The following RFX3 variants were observed in gnomAD, a reference collection of about 807,000 sequenced individuals.
RFX3 encodes the protein regulatory factor X3.
A neutral mutation model predicts 98.6 loss-of-function variants in RFX3; 14 were observed. That is an observed-to-expected ratio of 0.14 (90% CI 0.09 to 0.22). The LOEUF (loss-of-function observed/expected upper bound fraction) is 0.22. RFX3 is among the 10% of genes least tolerant of loss of function. The pLI, the probability that RFX3 is intolerant of heterozygous loss-of-function variation, is 1.00. For synonymous variants in RFX3, 383 were observed against 328.4 expected (o/e 1.17, Z -1.80); for missense variants, 639 against 926.9 (o/e 0.69, Z 4.03).
intron 1 of RFX3, among the ~76,000 whole-genome samples, chr9:3,412,959 T>C (rs1394472682): frequency 6.6e-6 from 1 of 152,120 alleles, no homozygotes; most frequent in African/African-American, 2.4e-5. Flanking sequence ...GAAAATAAGA[T>C]TCTAATATGT....
chr9:3,503,108 AT>A (rs1339194390), intron 1 of RFX3, among the ~76,000 whole-genome samples: 1 of 152,092 alleles, frequency 6.6e-6, no homozygotes, highest in Non-Finnish European at 1.5e-5. Flanking sequence ...ATTTTGCTTA[AT>A]TTTTTACTTT....
At chr9:3,362,142 T>C (rs367749564) in intron 2 of RFX3, among the ~76,000 whole-genome samples, 1 of 152,192 alleles carries the variant, frequency 6.6e-6, no homozygotes, top group Non-Finnish European at 1.5e-5. Context: ...TCTCTCTCAC[T>C]GTGTTTATTG....
intron 4 of RFX3, among the ~76,000 whole-genome samples, chr9:3,328,172 C>T (rs559582153): frequency 6.6e-6 from 1 of 152,012 alleles, no homozygotes; most frequent in East Asian, 1.9e-4. Flanking sequence ...AATTTTGCCC[C>T]GTTTTTCAGT....
chr9:3,377,394 T>C (rs1214257216), intron 2 of RFX3, among the ~76,000 whole-genome samples: 1 of 151,894 alleles, frequency 6.6e-6, no homozygotes, highest in Non-Finnish European at 1.5e-5. Flanking sequence ...AATTGAACAA[T>C]GAGAACACTT....
intron 3 of RFX3, chr9:3,344,694 T>G (rs892862085): frequency 6.6e-6 from 4 of 602,320 alleles, no homozygotes; most frequent in African/African-American, 1.9e-5. Flanking sequence ...CATTACTACT[T>G]GTCACAGACA....
chr9:3,282,526 T>C (rs1471014344), intron 7 of RFX3, among the ~76,000 whole-genome samples: 1 of 151,782 alleles, frequency 6.6e-6, no homozygotes, highest in African/African-American at 2.4e-5. Context: ...CATTCATTCA[T>C]TTAACAAATA....
intron 15 of RFX3, among the ~76,000 whole-genome samples, chr9:3,245,881 T>C (rs1425252511): frequency 1.3e-5 from 2 of 152,164 alleles, no homozygotes; most frequent in African/African-American, 2.4e-5. Context: ...GATTTGGTGA[T>C]TGGAAAAGGA....
intron 2 of RFX3, among the ~76,000 whole-genome samples, chr9:3,367,136 T>C (rs1837303634): frequency 6.6e-6 from 1 of 152,180 alleles, no homozygotes; most frequent in African/African-American, 2.4e-5. Flanking sequence ...TCTTACGTTA[T>C]ATGGTACAGC....
intron 5 of RFX3, among the ~76,000 whole-genome samples, chr9:3,298,381 C>T (rs948912566): frequency 6.6e-6 from 1 of 151,702 alleles, no homozygotes. Flanking sequence ...TGAAAAGAAA[C>T]AATACAATAA....
At chr9:3,444,288 T>G (rs901805215) in intron 1 of RFX3, among the ~76,000 whole-genome samples, 3 of 152,202 alleles carry the variant, frequency 2.0e-5, no homozygotes, top group South Asian at 4.1e-4. Context: ...AAAATAATTC[T>G]GCTAAGTGAA....
intron 13 of RFX3, among the ~76,000 whole-genome samples, chr9:3,259,116 T>C (rs1191907599): frequency 6.6e-6 from 1 of 152,014 alleles, no homozygotes; most frequent in Non-Finnish European, 1.5e-5. Flanking sequence ...ATTTGTTTGT[T>C]CCAACATTTT....
intron 1 of RFX3, among the ~76,000 whole-genome samples, chr9:3,452,082 A>G (rs944563550): frequency 6.6e-6 from 1 of 151,534 alleles, no homozygotes; most frequent in Admixed American, 6.6e-5. Context: ...TTTCTCATCT[A>G]TGAAACAAGA....
At chr9:3,523,540 C>T in intron 1 of RFX3, among the ~76,000 whole-genome samples, 1 of 152,112 alleles carries the variant, frequency 6.6e-6, no homozygotes, top group East Asian at 1.9e-4. Context: ...AAAACCTGAG[C>T]TATACATGAG....
intron 1 of RFX3, among the ~76,000 whole-genome samples, chr9:3,518,309 A>G (rs1447557806): frequency 6.6e-6 from 1 of 152,194 alleles, no homozygotes; most frequent in African/African-American, 2.4e-5. Context: ...GTTCCTTTTA[A>G]ATCTGTGTCA....
At chr9:3,337,649 G>C (rs1218562006) in intron 3 of RFX3, among the ~76,000 whole-genome samples, 1 of 152,166 alleles carries the variant, frequency 6.6e-6, no homozygotes, top group Non-Finnish European at 1.5e-5. Context: ...CAGTGGTGTG[G>C]TGTCTGTACT....
intron 1 of RFX3, among the ~76,000 whole-genome samples, chr9:3,424,045 G>A (rs1399399266): frequency 1.3e-5 from 2 of 151,170 alleles, no homozygotes; most frequent in East Asian, 2.0e-4. Context: ...TACTCGGGAG[G>A]CTGAGGCAGG....
intron 7 of RFX3, among the ~76,000 whole-genome samples, chr9:3,282,010 G>A (rs1825974675): frequency 6.6e-6 from 1 of 151,736 alleles, no homozygotes. Flanking sequence ...ATAGGCAAAA[G>A]GAGACATCAT....
At position 3,477,234 on chromosome 9, in the gene RFX3, A is replaced by G. The variant is rs183109353; in HGVS notation, c.-9+48513T>C. On this transcript the variant is annotated intron_variant, in intron 1 of 16. Coordinates refer to ENST00000617270, the MANE Select transcript of RFX3 (RefSeq NM_001282116.2). ...TCCCTAACAAAAACTTCAATCTATT[A>G]TTCAATCTATTTGTACATGTCTTTC... Among the ~76,000 whole-genome samples the G allele has an allele frequency of 9.2e-5, 14 of 152,326 alleles. 1 individual carries two copies. Among genetic ancestry groups the G allele is most frequent in the Admixed American group, 3.9e-4 (6 of 15,300 alleles).
chr9:3,232,890 G>T (rs1818661851), intron 15 of RFX3, among the ~76,000 whole-genome samples: 1 of 152,042 alleles, frequency 6.6e-6, no homozygotes, highest in African/African-American at 2.4e-5. Flanking sequence ...CACACATGGA[G>T]GAAGAAATAT....
Sources: gnomAD v4.1 joint callset for allele counts (sites outside exome capture counted in the v4.1 genomes callset) on GRCh38, gnomAD v4.1.1 for gene constraint, MANE v1.5 for transcripts, NCBI Gene and HGNC (gene_info 2026-07-23, HGNC 2026-07-21) for gene names.